MAP2K5: variants seen among roughly 807,000 people sequenced by gnomAD.
The protein encoded by MAP2K5 is mitogen-activated protein kinase kinase 5.
A neutral mutation model predicts 83.1 loss-of-function variants in MAP2K5; 49 were observed. The ratio of observed to expected loss-of-function variants is 0.59; its 90% CI spans 0.47 to 0.75. The LOEUF is 0.75. MAP2K5 is among the 30% of genes least tolerant of loss of function. The probability of loss-of-function intolerance (pLI) is 0.00; values close to 1 mark genes in which losing one functional copy is unlikely to be tolerated. For synonymous variants in MAP2K5, 202 were observed against 191.8 expected (o/e 1.05, Z -0.44); for missense variants, 457 against 557.5 (o/e 0.82, Z 1.82).
chr15:67,739,856 G>A (rs1489402385), intron 17 of MAP2K5, among the ~76,000 whole-genome samples: 1 of 152,100 alleles, frequency 6.6e-6, no homozygotes, highest in African/African-American at 2.4e-5. Context: ...CAAAATCTCA[G>A]TAGGCCACAT....
rs1454935604 is a variant in MAP2K5 at position 67,757,275 on chromosome 15, T to C, written c.1134+8674T>C. 1.3e-5 allele frequency among the ~76,000 whole-genome samples: 2 copies of C among 152,236 alleles called. No individual in the cohort carries two copies. Among genetic ancestry groups the C allele is most frequent in the Non-Finnish European group, 2.9e-5 (2 of 68,032 alleles). ...TGAGGTGACATTTCATTGTGGTTTT[T>C]ATTTGCATAAAAATAGTATTTCTAG... is the stretch of plus-strand genomic sequence containing the variant. On this transcript the variant is annotated intron_variant, in intron 19 of 21. Coordinates refer to ENST00000178640, the MANE Select transcript of MAP2K5 (RefSeq NM_145160.3). The surrounding 1 kb of genome is among the most constrained non-coding windows in gnomAD (Gnocchi z 4.9).
intron 13 of MAP2K5, among the ~76,000 whole-genome samples, chr15:67,680,190 A>G (rs541369996): frequency 6.6e-6 from 1 of 152,292 alleles, no homozygotes; most frequent in Non-Finnish European, 1.5e-5. Flanking sequence ...ATTCCATTGT[A>G]TGGATATATC....
At chr15:67,568,761 C>T (rs1166870241) in intron 3 of MAP2K5, among the ~76,000 whole-genome samples, 2 of 152,022 alleles carry the variant, frequency 1.3e-5, no homozygotes, top group Non-Finnish European at 2.9e-5. Flanking sequence ...AATCCCAGCA[C>T]TTTGGGAGGC....
Position 67,775,820 on chromosome 15 carries a change from GGT to G in MAP2K5, c.1242+3069_1242+3070del. 6.6e-6 allele frequency among the ~76,000 whole-genome samples: 1 copy of G among 152,140 alleles called. No individual in the cohort carries two copies. The highest frequency in any genetic ancestry group is 1.5e-5 in the Non-Finnish European group (1 of 68,026). ...GATGGGCAAAGCATGAGTGTATCTCGGTTTCAGACATTTTCAGAGCAATGTGA... is the reference window on the plus strand; with the variant it reads ...GATGGGCAAAGCATGAGTGTATCTCGTTCAGACATTTTCAGAGCAATGTGA... On this transcript the variant is annotated intron_variant, in intron 21 of 21. Transcript: ENST00000178640. This position sits in a 1 kb window ranked among gnomAD's most constrained non-coding sequence, Gnocchi z 5.3.
At chr15:67,687,109 A>G (rs2087976895) in intron 13 of MAP2K5, among the ~76,000 whole-genome samples, 9 of 151,958 alleles carry the variant, frequency 5.9e-5, no homozygotes, top group Admixed American at 5.9e-4. Context: ...AGTAAAATTG[A>G]TTTTTTTAAT....
chr15:67,608,453 G>A (rs984059948), intron 8 of MAP2K5, among the ~76,000 whole-genome samples: 3 of 152,174 alleles, frequency 2.0e-5, no homozygotes, highest in African/African-American at 7.2e-5. Flanking sequence ...CTTGTGTCTG[G>A]ATAGATGAGG....
chr15:67,747,802 C>G lies in MAP2K5; in HGVS notation c.1075-429C>G, dbSNP rs1256251061. On this transcript the variant is annotated intron_variant, in intron 17 of 21. Transcript: ENST00000178640. The surrounding 1 kb of genome is among the most constrained non-coding windows in gnomAD (Gnocchi z 4.1). Reference sequence around the variant, plus strand: ...TTGTGAGCAGACACTGGCAGGAATCCAAAATTCTAATTTCTGACTATGATT... The same window carrying G: ...TTGTGAGCAGACACTGGCAGGAATCGAAAATTCTAATTTCTGACTATGATT... 6.6e-6 allele frequency among the ~76,000 whole-genome samples: 1 copy of G among 152,120 alleles called. No individual in the cohort carries two copies. Among genetic ancestry groups the G allele is most frequent in the Non-Finnish European group, 1.5e-5 (1 of 68,020 alleles).
At chr15:67,610,779 G>A (rs926691353) in intron 8 of MAP2K5, among the ~76,000 whole-genome samples, 11 of 152,138 alleles carry the variant, frequency 7.2e-5, no homozygotes, top group Admixed American at 2.0e-4. Flanking sequence ...GATTTAGGTT[G>A]TGGGTATTAA....
rs561653347 is a variant in MAP2K5, at chr15:67,676,464, G to A, written c.847+11819G>A. Among the ~76,000 whole-genome samples the A allele has an allele frequency of 2.0e-5, 3 of 152,282 alleles. No individual in the cohort carries two copies. In the South Asian group the frequency reaches 6.2e-4, roughly 32 times the overall value. On this transcript the variant is annotated intron_variant, in intron 13 of 21. Transcript: ENST00000178640. The surrounding 1 kb of genome is among the most constrained non-coding windows in gnomAD (Gnocchi z 4.8). ...GACATTTTGCCAAGCAGAATGGACAGACAGCTTTAGCAGTTGGAAGAGCTC... is the reference window on the plus strand; with the variant it reads ...GACATTTTGCCAAGCAGAATGGACAAACAGCTTTAGCAGTTGGAAGAGCTC...
chr15:67,731,072 T>C (rs2089209240), intron 17 of MAP2K5, among the ~76,000 whole-genome samples: 1 of 152,222 alleles, frequency 6.6e-6, no homozygotes, highest in Non-Finnish European at 1.5e-5. Flanking sequence ...GATGTTGGGC[T>C]GCAGCACAAA....
In MAP2K5 at chr15:67,769,836, C is replaced by T. The variant is rs1036103134; in HGVS notation, c.1196+173C>T. 5.8e-5 allele frequency: 34 copies of T among 590,292 alleles called. No individual in the cohort carries two copies. The highest frequency in any genetic ancestry group is 2.3e-4 in the East Asian group (8 of 34,720). The allele number at this position is 590,292 out of a possible 1,614,324, so 36.6% of individuals were successfully genotyped here. ...GAAGAAATTGTTTAAATTATGTAAA[C>T]GTTATTTACACAAAGGGTCATAAGC... On this transcript the variant is annotated intron_variant, in intron 20 of 21. Transcript: ENST00000178640. The surrounding 1 kb of genome is among the most constrained non-coding windows in gnomAD (Gnocchi z 5.2).
chr15:67,672,444 C>A (rs1378686487), intron 13 of MAP2K5, among the ~76,000 whole-genome samples: 1 of 151,910 alleles, frequency 6.6e-6, no homozygotes, highest in African/African-American at 2.4e-5. Context: ...TGTTTTTTGG[C>A]TGCATAAATG....
chr15:67,567,798 T>C (rs1390356235), intron 3 of MAP2K5, among the ~76,000 whole-genome samples: 1 of 152,258 alleles, frequency 6.6e-6, no homozygotes, highest in Non-Finnish European at 1.5e-5. Flanking sequence ...TTTGTTGTTG[T>C]TGTTCTCATT....
At chr15:67,723,203 A>G (rs944592979) in intron 16 of MAP2K5, among the ~76,000 whole-genome samples, 1 of 152,200 alleles carries the variant, frequency 6.6e-6, no homozygotes, top group Non-Finnish European at 1.5e-5. Flanking sequence ...GTCAATAAAT[A>G]ACTTCTTTTT....
chr15:67,710,264 T>C (rs3784695), intron 16 of MAP2K5, among the ~76,000 whole-genome samples: 56,461 of 152,078 alleles, frequency 0.37, 12,068 homozygotes, highest in Non-Finnish European at 0.5. Flanking sequence ...GTCTCCTGAG[T>C]CTGAGGCATA....
chr15:67,675,455 G>A (rs935751292), intron 13 of MAP2K5, among the ~76,000 whole-genome samples: 1 of 152,192 alleles, frequency 6.6e-6, no homozygotes, highest in African/African-American at 2.4e-5. Flanking sequence ...GGGAGACAGA[G>A]GGAATGTTTA....
intron 14 of MAP2K5, 82 bp downstream of exon 14, chr15:67,692,634 T>TC (rs1488752378): frequency 1.9e-6 from 2 of 1,054,840 alleles, no homozygotes; most frequent in East Asian, 4.9e-5. Flanking sequence ...GATTGAAAAA[T>TC]CACCTAGCTG....
chr15:67,599,228 T>C (rs1414095611), intron 7 of MAP2K5, among the ~76,000 whole-genome samples: 1 of 152,228 alleles, frequency 6.6e-6, no homozygotes, highest in African/African-American at 2.4e-5. Context: ...ATGAACAGAA[T>C]TCCCCTCAAA....
chr15:67,679,670 A>C (rs1461662764), intron 13 of MAP2K5: 1 of 152,186 alleles, frequency 6.6e-6, no homozygotes, highest in Non-Finnish European at 1.5e-5. Context: ...ATATGTAATT[A>C]ACTGATCTTT....
Sources: allele counts gnomAD v4.1 joint callset (sites outside exome capture counted in the v4.1 genomes callset), GRCh38; gene constraint gnomAD v4.1.1; non-coding constraint Gnocchi (gnomAD v3.1); transcripts MANE v1.5; gene names NCBI Gene and HGNC (gene_info 2026-07-23, HGNC 2026-07-21).